The following CPAMD8 variants were observed in gnomAD, a reference collection of about 807,000 sequenced individuals.
CPAMD8 encodes C3 and PZP-like alpha-2-macroglobulin domain-containing protein 8.
A neutral mutation model predicts 224.7 loss-of-function variants in CPAMD8; 146 were observed. The ratio of observed to expected loss-of-function variants is 0.65; its 90% CI spans 0.57 to 0.75. The LOEUF (loss-of-function observed/expected upper bound fraction) is 0.75. CPAMD8 is among the 30% of genes least tolerant of loss of function. The pLI, the probability that CPAMD8 is intolerant of heterozygous loss-of-function variation, is 0.00. For synonymous variants in CPAMD8, 966 were observed against 1,044.6 expected (o/e 0.92, Z 1.45); for missense variants, 2,301 against 2,537.5 (o/e 0.91, Z 2.00).
rs1599889533 is a variant in CPAMD8, at chr19:17,004,330, T to C, written c.616A>G (p.Ile206Val). The part of the protein sequence containing the change: ...SDQPVLGEWF[I>V]FVEMQGHAYN... ...GCGTGGCCTTGCATTTCAACAAAAA[T>C]GAACCATTCTCCCAACACAGGCTGG... The change falls in exon 8 of 42, where the codon ATT becomes GTT. Residue 206 changes from isoleucine to valine, a missense_variant. Around this residue, in one of 4 missense-constraint regions of CPAMD8, gnomAD observed 283 missense variants for 340.6 expected, o/e 0.83. Transcript: ENST00000443236. 1.9e-6 allele frequency: 3 copies of C among 1,613,734 alleles called. No individual in the cohort carries two copies. The highest frequency in any genetic ancestry group is 2.5e-6 in the Non-Finnish European group (3 of 1,179,784).
intron 9 of CPAMD8, 22 bp downstream of exon 9, chr19:17,002,244 C>T (rs1043685118): frequency 5.2e-6 from 8 of 1,532,352 alleles, no homozygotes; most frequent in Non-Finnish European, 7.1e-6. Flanking sequence ...CCCAGTGTGC[C>T]CCAGGGGTCC....
chr19:17,026,577 G>C lies in CPAMD8; in HGVS notation c.66C>G (p.Gly22=). 6.6e-7 allele frequency: 1 copy of C among 1,526,498 alleles called. No homozygotes were observed. Among genetic ancestry groups the C allele is most frequent in the Non-Finnish European group, 8.7e-7 (1 of 1,146,204 alleles). 94.6% of individuals were successfully genotyped at this position (1,526,498 alleles called of 1,614,324 possible). Residue 22 remains glycine (G), a synonymous_variant, in exon 1 of 42, where the codon GGC becomes GGG. Coordinates refer to ENST00000443236, the MANE Select transcript of CPAMD8 (RefSeq NM_015692.5). ...LLLLLLSARD[G]VRAAQPQAPG... ...GGGCCTGAGGCTGCGCGGCGCGCAC[G>C]CCGTCCCGCGCCGACAGCAGCAGGA... is the stretch of plus-strand genomic sequence containing the variant.
Position 16,925,227 on chromosome 19 carries a change from C to T in CPAMD8, c.3516G>A (p.Val1172=). ...CTAGGTAGTCGGTGGTCTCTCTCTC[C>T]ACCTCAGGGCTGAGCTGCTGGGTTT... ...LQKTQQLSPE[V]ERETTDYLVQ... The change falls in exon 26 of 42, where the codon GTG becomes GTA. Residue 1172 remains valine (V), a synonymous_variant. Coordinates refer to ENST00000443236, the MANE Select transcript of CPAMD8 (RefSeq NM_015692.5). 6.2e-7 allele frequency: 1 copy of T among 1,614,118 alleles called. No homozygotes were observed. The highest frequency in any genetic ancestry group is 8.5e-7 in the Non-Finnish European group (1 of 1,180,018).
At chr19:16,949,054 G>T (rs554414847) in intron 20 of CPAMD8, among the ~76,000 whole-genome samples, 23 of 138,836 alleles carry the variant, frequency 1.7e-4, no homozygotes, top group Non-Finnish European at 2.6e-4. Context: ...GGACGGGAGG[G>T]GGGGAGGGAG....
intron 7 of CPAMD8, 60 bp from the exon 8 acceptor site, chr19:17,004,446 GA>G: frequency 2.7e-6 from 3 of 1,120,962 alleles, no homozygotes; most frequent in Non-Finnish European, 4.1e-6. Flanking sequence ...TGAGGTACGG[GA>G]AGAGGGAGCC....
At chr19:17,009,095 T>A in intron 6 of CPAMD8, 1 of 665,078 alleles carries the variant, frequency 1.5e-6, no homozygotes, top group Admixed American at 3.4e-5. Context: ...AGACTCCATT[T>A]CAAAAAAAAA....
In CPAMD8 at chr19:16,980,351, G is replaced by A. The variant is rs908293014; in HGVS notation, c.1585+146C>T. The A allele has an allele frequency of 1.8e-5, 12 of 673,012 alleles. No homozygotes were observed. In the African/African-American group the frequency reaches 2.2e-4, roughly 12 times the overall value. 41.7% of individuals were successfully genotyped at this position (673,012 alleles called of 1,614,324 possible). ...TCACTGTCTTCCTGGACCCAGTCTG[G>A]TATTGTTAAGGATGTGTCCCCTCTG... On this transcript the variant is annotated intron_variant, in intron 14 of 41. Coordinates refer to ENST00000443236, the MANE Select transcript of CPAMD8 (RefSeq NM_015692.5).
chr19:16,968,600 C>T (rs2122609317), intron 18 of CPAMD8, among the ~76,000 whole-genome samples: 1 of 152,282 alleles, frequency 6.6e-6, no homozygotes, highest in South Asian at 2.1e-4. Context: ...GAGGAAAATT[C>T]ATAATCCTCT....
At position 17,004,394 on chromosome 19, in the gene CPAMD8, A is replaced by G. The variant is rs770208528; in HGVS notation, c.560-8T>C. 6.3e-7 allele frequency: 1 copy of G among 1,588,356 alleles called. No individual in the cohort carries two copies. The highest frequency in any genetic ancestry group is 8.6e-7 in the Non-Finnish European group (1 of 1,156,810). ...AGCTCATGTTGGTGATGCCTGTGTG[A>G]AGAGAGAGGGCAAGGGCTTTTTCAG... On this transcript the variant is annotated splice_region_variant and splice_polypyrimidine_tract_variant and intron_variant, in intron 7 of 41. Transcript: ENST00000443236.
At chr19:16,941,643 G>T (rs570545348) in intron 22 of CPAMD8, among the ~76,000 whole-genome samples, 1 of 152,138 alleles carries the variant, frequency 6.6e-6, no homozygotes, top group Non-Finnish European at 1.5e-5. Context: ...TGCTGTTCTC[G>T]TGATAATGGG....
chr19:16,967,173 G>A (rs1384871407), intron 18 of CPAMD8, among the ~76,000 whole-genome samples: 6 of 152,156 alleles, frequency 3.9e-5, no homozygotes, highest in Admixed American at 2.0e-4. Context: ...AAAAGGATGC[G>A]TTCATGTCCT....
chr19:16,904,775 G>A (rs1365777115), intron 30 of CPAMD8, among the ~76,000 whole-genome samples: 2 of 152,134 alleles, frequency 1.3e-5, no homozygotes, highest in African/African-American at 4.8e-5. Context: ...GGCAGACATC[G>A]TGAATCAATG....
At chr19:16,969,401 T>C (rs2054969363) in intron 18 of CPAMD8, among the ~76,000 whole-genome samples, 1 of 152,126 alleles carries the variant, frequency 6.6e-6, no homozygotes, top group African/African-American at 2.4e-5. Context: ...CACTCTACAG[T>C]GCAGAGGACA....
intron 27 of CPAMD8, 143 bp downstream of exon 27, chr19:16,921,762 C>T (rs1010926785): frequency 1.1e-5 from 7 of 609,178 alleles, no homozygotes; most frequent in African/African-American, 9.3e-5. Context: ...GGAGCTGGGA[C>T]CACCACAGTC....
chr19:16,914,440 G>A lies in CPAMD8; in HGVS notation c.3845C>T (p.Thr1282Ile), dbSNP rs202176630. The A allele has an allele frequency of 1.2e-6, 2 of 1,614,142 alleles. No homozygotes were observed. The highest frequency in any genetic ancestry group is 1.3e-5 in the African/African-American group (1 of 75,048). Residue 1282 changes from threonine to isoleucine, a missense_variant, in exon 29 of 42, where the codon ACA becomes ATA. By Grantham distance (89) the Thr-to-Ile change is moderately conservative. Around this residue, in one of 4 missense-constraint regions of CPAMD8, gnomAD observed 1,709 missense variants for 1,753.2 expected, o/e 0.97. Transcript: ENST00000443236. ...TAYVVVALLETGTASEEERGS... is the reference protein window; with the variant it reads ...TAYVVVALLEIGTASEEERGS... Reference sequence around the variant, plus strand: ...TGTACTCACCTCTGAGGCTGTGCCTGTTTCCAGGAGAGCAACCACCACGTA... The same window carrying A: ...TGTACTCACCTCTGAGGCTGTGCCTATTTCCAGGAGAGCAACCACCACGTA...
At position 16,928,096 on chromosome 19, in the gene CPAMD8, C is replaced by A. The variant is rs201595469; in HGVS notation, c.3283G>T (p.Val1095Leu). 15 of 1,613,926 alleles carry A rather than the reference C, an allele frequency of 9.3e-6. No individual in the cohort carries two copies. Among genetic ancestry groups the A allele is most frequent in the Non-Finnish European group, 1.1e-5 (13 of 1,179,998 alleles). ...GEFRIWRKME[V>L]DESYSEAFTL... Reference sequence around the variant, plus strand: ...AAGGCCTCGCTGTAGCTCTCGTCCACCTCCATCTTCCTCCAGATTCGGAAT... The same window carrying A: ...AAGGCCTCGCTGTAGCTCTCGTCCAACTCCATCTTCCTCCAGATTCGGAAT... Residue 1095 changes from valine to leucine, a missense_variant, in exon 25 of 42, where the codon GTG (valine) becomes TTG (leucine). Physicochemically the swap from Val to Leu is conservative, Grantham distance 32. Around this residue, in one of 4 missense-constraint regions of CPAMD8, gnomAD observed 1,709 missense variants for 1,753.2 expected, o/e 0.97. Coordinates refer to ENST00000443236, the MANE Select transcript of CPAMD8 (RefSeq NM_015692.5).
chr19:16,916,527 A>G (rs1428824697), intron 27 of CPAMD8, among the ~76,000 whole-genome samples: 1 of 152,076 alleles, frequency 6.6e-6, no homozygotes, highest in South Asian at 2.1e-4. Context: ...GCTGGGATTC[A>G]GGAGTTCAAG....
intron 25 of CPAMD8, among the ~76,000 whole-genome samples, chr19:16,926,549 C>T (rs1384138920): frequency 6.6e-6 from 1 of 152,162 alleles, no homozygotes; most frequent in Non-Finnish European, 1.5e-5. Context: ...ATCTCTTGAT[C>T]TCGTTATCCA....
intron 27 of CPAMD8, 42 bp downstream of exon 27, chr19:16,921,863 C>G (rs142232220): frequency 3.0e-5 from 40 of 1,344,872 alleles, no homozygotes; most frequent in Non-Finnish European, 3.9e-5. Flanking sequence ...TGGCGTCGGG[C>G]GGGGAGCCTC....
Sources: allele counts gnomAD v4.1 joint callset (sites outside exome capture counted in the v4.1 genomes callset), GRCh38; gene constraint gnomAD v4.1.1; regional missense constraint gnomAD v4.1.1; transcripts MANE v1.5; gene names NCBI Gene and HGNC (gene_info 2026-07-23, HGNC 2026-07-21).